ATE1: variants seen among roughly 807,000 people sequenced by gnomAD.
ATE1 encodes the protein arginyl-tRNA--protein transferase 1.
Under a neutral mutation model 70.5 loss-of-function variants are expected in ATE1, and 36 were observed. The ratio of observed to expected loss-of-function variants is 0.51; its 90% confidence interval spans 0.39 to 0.67. The LOEUF is 0.67. ATE1 is among the 30% of genes least tolerant of loss of function. The pLI, the probability that ATE1 is intolerant of heterozygous loss-of-function variation, is 0.00. For synonymous variants in ATE1, 232 were observed against 219.3 expected, an observed-to-expected ratio of 1.06 and a Z score of -0.51; for missense variants, 593 against 629.5, an observed-to-expected ratio of 0.94 and a Z score of 0.62.
At position 121,823,174 on chromosome 10, in the gene ATE1, C is replaced by T. The variant is rs1439652366; in HGVS notation, c.1257+13544G>A. Among the ~76,000 whole-genome samples, 16 of 151,980 alleles carry T rather than the reference C, an allele frequency of 1.1e-4. No individual in the cohort carries two copies. In the East Asian group the frequency reaches 1.4e-3, roughly 13 times the overall value. ...GCACGGTGGCGGGCGCCTTTAGTCCCAGCTACTCAGTAGGCTGAGGCAGGA... is the reference window on the plus strand; with the variant it reads ...GCACGGTGGCGGGCGCCTTTAGTCCTAGCTACTCAGTAGGCTGAGGCAGGA... On this transcript the variant is annotated intron_variant, in intron 10 of 11. Transcript: ENST00000224652.
intron 7 of ATE1, among the ~76,000 whole-genome samples, chr10:121,874,015 T>A (rs576698231): frequency 2.0e-4 from 30 of 152,314 alleles, no homozygotes; most frequent in African/African-American, 6.0e-4. Context: ...CTTCCAGTTA[T>A]ATTTCCTGGG....
intron 7 of ATE1, among the ~76,000 whole-genome samples, chr10:121,879,619 T>C (rs1178195497): frequency 1.3e-5 from 2 of 152,250 alleles, no homozygotes; most frequent in Non-Finnish European, 2.9e-5. Flanking sequence ...CATTTGTGAA[T>C]GGGAGTAATT....
chr10:121,789,825 T>A (rs1463479691), intron 11 of ATE1, among the ~76,000 whole-genome samples: 1 of 152,196 alleles, frequency 6.6e-6, no homozygotes, highest in East Asian at 1.9e-4. Flanking sequence ...CTTCTCTACA[T>A]TGACTAAATA....
intron 10 of ATE1, among the ~76,000 whole-genome samples, chr10:121,803,021 A>C (rs1231588067): frequency 6.6e-6 from 1 of 152,202 alleles, no homozygotes; most frequent in Non-Finnish European, 1.5e-5. Context: ...CGTCTTTAGG[A>C]GATATCTAGA....
At chr10:121,846,995 T>C (rs1490721776) in intron 8 of ATE1, among the ~76,000 whole-genome samples, 1 of 152,182 alleles carries the variant, frequency 6.6e-6, no homozygotes, top group Non-Finnish European at 1.5e-5. Context: ...CTGTCTAACA[T>C]GCTATTGAAC....
intron 10 of ATE1, among the ~76,000 whole-genome samples, chr10:121,825,856 T>A (rs11592105): frequency 0.18 from 27,509 of 152,148 alleles, 3,268 homozygotes; most frequent in Non-Finnish European, 0.26. Context: ...AAAGTGAGTC[T>A]CAAAGAGATA....
chr10:121,827,990 T>C (rs916623128), intron 10 of ATE1, among the ~76,000 whole-genome samples: 3 of 152,248 alleles, frequency 2.0e-5, no homozygotes, highest in African/African-American at 7.2e-5. Context: ...GATGACCACA[T>C]ACTGGTTTTC....
chr10:121,752,367 A>T (rs948411123), intron 11 of ATE1, among the ~76,000 whole-genome samples: 13 of 150,220 alleles, frequency 8.7e-5, no homozygotes, highest in African/African-American at 3.2e-4. Context: ...AGTAGCTGGG[A>T]CTACAGGCAC....
At chr10:121,908,069 TAAAG>T (rs943027457) in intron 5 of ATE1, among the ~76,000 whole-genome samples, 38 of 152,304 alleles carry the variant, frequency 2.5e-4, no homozygotes, top group African/African-American at 7.7e-4. Flanking sequence ...AAAGCCAACT[TAAAG>T]AAGCTTTCAG....
chr10:121,852,718 T>A (rs1051105418), intron 8 of ATE1, among the ~76,000 whole-genome samples: 3 of 150,266 alleles, frequency 2.0e-5, no homozygotes, highest in South Asian at 2.1e-4. Context: ...CTCAAAAAAA[T>A]AAATAAATAA....
intron 11 of ATE1, among the ~76,000 whole-genome samples, chr10:121,752,430 C>T (rs1399872245): frequency 1.3e-5 from 2 of 151,692 alleles, no homozygotes; most frequent in African/African-American, 4.8e-5. Flanking sequence ...AGGGTTTCAC[C>T]ATGTTAGCCA....
chr10:121,790,432 T>C, intron 10 of ATE1, 143 bp from the exon 11 acceptor site: 1 of 1,066,162 alleles, frequency 9.4e-7, no homozygotes, highest in Non-Finnish European at 1.3e-6. Context: ...TAAGCAACCC[T>C]GTAGCTGATA....
At chr10:121,924,472 G>A (rs967630314) in intron 1 of ATE1, 143 bp from the exon 2 acceptor site, 18 of 696,318 alleles carry the variant, frequency 2.6e-5, no homozygotes, top group Non-Finnish European at 4.2e-5. Context: ...AGGCCAAGGC[G>A]GGCAAATCAC....
At chr10:121,754,516 C>T (rs1371114063) in intron 11 of ATE1, among the ~76,000 whole-genome samples, 1 of 152,118 alleles carries the variant, frequency 6.6e-6, no homozygotes. Flanking sequence ...AATGAGATTC[C>T]GTGAGTCAAT....
At chr10:121,899,829 T>G in intron 7 of ATE1, 37 bp downstream of exon 7, 1 of 1,595,650 alleles carries the variant, frequency 6.3e-7, no homozygotes, top group Non-Finnish European at 8.5e-7. Context: ...AAGGGAAAGC[T>G]CTGTTTGCAC....
intron 7 of ATE1, among the ~76,000 whole-genome samples, chr10:121,892,499 CTTTTT>C (rs34400277): frequency 1.6e-5 from 2 of 125,580 alleles, no homozygotes; most frequent in Admixed American, 8.4e-5. Context: ...GGTGACAAAA[CTTTTT>C]TTTTTTTTTT....
rs556683926 is a variant in ATE1 at position 121,901,033 on chromosome 10, G to A, written c.814-1039C>T. ...TCTAATCCCAGCACTTTGGGAGGCCGAGGCGGGTGATCACCTGAGGTCAGG... is the reference window on the plus strand; with the variant it reads ...TCTAATCCCAGCACTTTGGGAGGCCAAGGCGGGTGATCACCTGAGGTCAGG... On this transcript the variant is annotated intron_variant, in intron 6 of 11. Coordinates refer to ENST00000224652, the MANE Select transcript of ATE1 (RefSeq NM_001001976.3). Among the ~76,000 whole-genome samples the A allele has an allele frequency of 7.2e-5, 11 of 152,238 alleles. No individual in the cohort carries two copies. In the South Asian group the frequency reaches 1.2e-3, roughly 17 times the overall value.
intron 7 of ATE1, among the ~76,000 whole-genome samples, chr10:121,881,634 C>T (rs1232665369): frequency 7.1e-6 from 1 of 140,938 alleles, no homozygotes; most frequent in Non-Finnish European, 1.5e-5. Context: ...ACCAACTGCA[C>T]TTCAGCCTGG....
rs1241254844 is a variant in ATE1 at position 121,798,934 on chromosome 10, T to TTACTTCTA, written c.1258-8653_1258-8646dup. ...AAAAAAAAGGTAATGAAGACAGACA[T>TTACTTCTA]TACTTCTACTGTATAGATAAAACAA... On this transcript the variant is annotated intron_variant, in intron 10 of 11. Transcript: ENST00000224652. Among the ~76,000 whole-genome samples, 6 of 140,594 alleles carry TTACTTCTA rather than the reference T, an allele frequency of 4.3e-5. No homozygotes were observed. The Admixed American group carries it at 4.4e-4, about 10-fold the overall frequency. The allele number at this position is 140,594 out of a possible 152,430, so 92.2% of individuals were successfully genotyped here. A position where few individuals can be genotyped will look rare whatever the true frequency, so the allele number is the denominator to read the frequency against.
Sources: gnomAD v4.1 joint callset for allele counts (sites outside exome capture counted in the v4.1 genomes callset) on GRCh38, gnomAD v4.1.1 for gene constraint, MANE v1.5 for transcripts, NCBI Gene and HGNC (gene_info 2026-07-23, HGNC 2026-07-21) for gene names.